Variants in SDK2 observed in about 807,000 individuals in gnomAD.
SDK2 encodes protein sidekick-2.
A neutral mutation model predicts 253.9 loss-of-function variants in SDK2; 105 were observed. The ratio of observed to expected loss-of-function variants is 0.41; its 90% CI spans 0.35 to 0.49. The LOEUF is 0.49. SDK2 is among the 20% of genes least tolerant of loss of function. SDK2 has a pLI of 0.06. For missense variants in SDK2, 2,608 were observed against 3,003.0 expected, an observed-to-expected ratio of 0.87 and a Z score of 3.07; for synonymous variants, 1,249 against 1,234.9, an observed-to-expected ratio of 1.01 and a Z score of -0.24.
intron 36 of SDK2, among the ~76,000 whole-genome samples, chr17:73,371,371 G>C (rs1035787556): frequency 6.6e-6 from 1 of 152,150 alleles, no homozygotes; most frequent in African/African-American, 2.4e-5. Context: ...GGGAGGAAGA[G>C]CTAGCGAGGG....
In SDK2 at chr17:73,435,399, G is replaced by T; in HGVS notation, c.1195+51C>A. On this transcript the variant is annotated intron_variant, in intron 9 of 44. Transcript: ENST00000392650. The surrounding 1 kb of genome is among the most constrained non-coding windows in gnomAD (Gnocchi z 5.7). ...CCTCGGAAGACCTTGGAAGAAAGCT[G>T]CGTCCTGGGAAGAGGGGCTCACGGG... 1 of 1,500,314 alleles carries T rather than the reference G, an allele frequency of 6.7e-7. No homozygotes were observed. The highest frequency in any genetic ancestry group is 9.0e-7 in the Non-Finnish European group (1 of 1,112,102). The allele number at this position is 1,500,314 out of a possible 1,614,324, so 92.9% of individuals were successfully genotyped here.
At position 73,390,447 on chromosome 17, in the gene SDK2, C is replaced by T. The variant is rs138263278; in HGVS notation, c.4032G>A (p.Thr1344=). Residue 1344 remains threonine (T), a synonymous_variant, in exon 29 of 45, where the codon ACG becomes ACA. Transcript: ENST00000392650. ...YQITHRLNTT[T]ANTATVEVLA... is the part of the protein sequence containing the mutation. ...GCACCTCCACAGTGGCGGTGTTGGC[C>T]GTGGTGGTGTTGAGCCGGTGTGTGA... 50 of 1,611,926 alleles carry T rather than the reference C, an allele frequency of 3.1e-5. No individual in the cohort carries two copies. The highest frequency in any genetic ancestry group is 1.3e-4 in the African/African-American group (10 of 74,840).
chr17:73,611,303 C>G (rs1365115954), intron 1 of SDK2, among the ~76,000 whole-genome samples: 4 of 152,216 alleles, frequency 2.6e-5, no homozygotes, highest in Non-Finnish European at 5.9e-5. Flanking sequence ...CTCTCCTTTC[C>G]TGGCACTTTC....
At chr17:73,543,532 A>G (rs2044904479) in intron 1 of SDK2, among the ~76,000 whole-genome samples, 2 of 152,172 alleles carry the variant, frequency 1.3e-5, no homozygotes, top group South Asian at 4.1e-4. Context: ...TCAGAGGAAA[A>G]TATCACCTTC....
At chr17:73,611,946 C>T (rs1862919566) in intron 1 of SDK2, among the ~76,000 whole-genome samples, 1 of 152,020 alleles carries the variant, frequency 6.6e-6, no homozygotes, top group African/African-American at 2.4e-5. Context: ...GAAGCAGGAC[C>T]CCAACGTGTG....
chr17:73,430,559 T>C lies in SDK2; in HGVS notation c.1535A>G (p.Gln512Arg), dbSNP rs2063318790. The part of the protein sequence containing the change: ...PQDQSVIKGT[Q>R]ASMVCGVTHD... The stretch of plus-strand genomic sequence containing the variant: ...GGTCACTCCGCACACCATGGAGGCC[T>C]GGGTGCCCTTGATGACACTCTGATC... Residue 512 changes from glutamine to arginine, a missense_variant, in exon 12 of 45, where the codon CAG (glutamine) becomes CGG (arginine). By Grantham distance (43) the Gln-to-Arg change is conservative (BLOSUM62 1). Transcript: ENST00000392650. The C allele has an allele frequency of 1.2e-6, 2 of 1,602,578 alleles. No individual in the cohort carries two copies. Among genetic ancestry groups the C allele is most frequent in the African/African-American group, 2.7e-5 (2 of 74,254 alleles).
At chr17:73,346,211 GAAAAAAA>G (rs966595517) in intron 44 of SDK2, among the ~76,000 whole-genome samples, 1 of 112,016 alleles carries the variant, frequency 8.9e-6, no homozygotes, top group Non-Finnish European at 1.9e-5. Context: ...TCCGTCTCAA[GAAAAAAA>G]AAAAAAAAGA....
intron 17 of SDK2, 147 bp downstream of exon 17, chr17:73,415,664 C>T: frequency 1.5e-6 from 1 of 676,402 alleles, no homozygotes; most frequent in Non-Finnish European, 2.5e-6. Flanking sequence ...ATTTTTTTCA[C>T]TTTTTGTAGA....
intron 1 of SDK2, among the ~76,000 whole-genome samples, chr17:73,509,679 G>A (rs1036416296): frequency 6.7e-6 from 1 of 150,220 alleles, no homozygotes; most frequent in Non-Finnish European, 1.5e-5. Flanking sequence ...CAGGTGGATT[G>A]CCTGAGATCA....
chr17:73,434,651 G>A (rs1567770641), intron 9 of SDK2, among the ~76,000 whole-genome samples: 1 of 152,020 alleles, frequency 6.6e-6, no homozygotes, highest in East Asian at 1.9e-4. Flanking sequence ...TTTTTCTTTT[G>A]TTTTTTTGAG....
At chr17:73,357,142 GATT>G (rs1174794617) in intron 40 of SDK2, among the ~76,000 whole-genome samples, 1 of 152,220 alleles carries the variant, frequency 6.6e-6, no homozygotes, top group Admixed American at 6.5e-5. Flanking sequence ...ATGCAACTGC[GATT>G]ATTAGCATGT....
chr17:73,488,858 G>A (rs1032201697), intron 2 of SDK2, among the ~76,000 whole-genome samples: 14 of 151,736 alleles, frequency 9.2e-5, no homozygotes, highest in Admixed American at 3.3e-4. Context: ...CATTTCCCCC[G>A]TAAGCCCTTT....
chr17:73,355,623 G>C lies in SDK2; in HGVS notation c.5593+2456C>G, dbSNP rs563303116. ...GGACTCCCAAAGTGCTGGGATTACA[G>C]GCGTGAGCCACCGTGCCTGACCCAT... On this transcript the variant is annotated intron_variant, in intron 40 of 44. Coordinates refer to ENST00000392650, the MANE Select transcript of SDK2 (RefSeq NM_001144952.2). Among the ~76,000 whole-genome samples the C allele has an allele frequency of 4.6e-5, 7 of 152,260 alleles. No individual in the cohort carries two copies. The East Asian group carries it at 1.4e-3, about 29-fold the overall frequency.
intron 1 of SDK2, among the ~76,000 whole-genome samples, chr17:73,614,425 A>G (rs1375431828): frequency 6.6e-6 from 1 of 151,248 alleles, no homozygotes; most frequent in Admixed American, 6.6e-5. Flanking sequence ...ACCTGCTTAT[A>G]CTCGTTTCCC....
At position 73,338,405 on chromosome 17, in the gene SDK2, C is replaced by CA. The variant is rs1384079227; in HGVS notation, c.*181dup. The CA allele has an allele frequency of 7.2e-6, 5 of 698,678 alleles. No individual in the cohort carries two copies. The East Asian group carries it at 1.1e-4, about 15-fold the overall frequency. 43.3% of individuals were successfully genotyped at this position (698,678 alleles called of 1,614,324 possible). On this transcript the variant is annotated 3_prime_UTR_variant, in exon 45 of 45. Coordinates refer to ENST00000392650, the MANE Select transcript of SDK2 (RefSeq NM_001144952.2). This position sits in a 1 kb window ranked among gnomAD's most constrained non-coding sequence, Gnocchi z 5.0. ...GAGCTGCTGGCCACACACATCCTCT[C>CA]ACGGTTTTCTCCCTCCTTCTGAACG...
rs1260822429 is a variant in SDK2, at chr17:73,534,123, C to T, written c.65-26526G>A. Among the ~76,000 whole-genome samples, 4 of 152,156 alleles carry T rather than the reference C, an allele frequency of 2.6e-5. No homozygotes were observed. In the South Asian group the frequency reaches 6.2e-4, roughly 24 times the overall value. ...TCCTTCCCACTCTCCTTCCAATAAG[C>T]CCCTAGAAGGCCTGGGGATGTCTGC... On this transcript the variant is annotated intron_variant, in intron 1 of 44. Transcript: ENST00000392650. This position sits in a 1 kb window ranked among gnomAD's most constrained non-coding sequence, Gnocchi z 4.9.
intron 40 of SDK2, among the ~76,000 whole-genome samples, chr17:73,353,861 G>A (rs963857015): frequency 2.0e-5 from 3 of 151,058 alleles, no homozygotes; most frequent in South Asian, 2.1e-4. Context: ...ACTCCACCAC[G>A]CCCAGCTAAA....
At chr17:73,412,039 T>C (rs1352770349) in intron 18 of SDK2, among the ~76,000 whole-genome samples, 2 of 6,292 alleles carry the variant, frequency 3.2e-4, no homozygotes, top group African/African-American at 6.3e-4. Flanking sequence ...TATATACGTA[T>C]ATATATGTAT....
intron 14 of SDK2, among the ~76,000 whole-genome samples, chr17:73,423,065 G>A (rs938555477): frequency 8.1e-6 from 1 of 123,836 alleles, no homozygotes; most frequent in African/African-American, 3.2e-5. Context: ...AAAATGCAAT[G>A]CGAATTATGC....
Sources: allele counts gnomAD v4.1 joint callset (sites outside exome capture counted in the v4.1 genomes callset), GRCh38; gene constraint gnomAD v4.1.1; non-coding constraint Gnocchi (gnomAD v3.1); transcripts MANE v1.5; gene names NCBI Gene and HGNC (gene_info 2026-07-23, HGNC 2026-07-21).